Variants in SCAI observed in about 807,000 individuals in gnomAD.
SCAI encodes the protein suppressor of cancer cell invasion.
SCAI carries 24 observed loss-of-function variants against 92.2 expected under a neutral mutation model. The observed-to-expected ratio is 0.26, with a 90% CI of 0.19 to 0.37. SCAI has a LOEUF of 0.37. Among genes scored for constraint, SCAI ranks in the 10% least tolerant of loss-of-function variants. The pLI, the probability that SCAI is intolerant of heterozygous loss-of-function variation, is 1.00. For synonymous variants in SCAI, 261 were observed against 258.6 expected (o/e 1.01, Z -0.09); for missense variants, 450 against 736.2 (o/e 0.61, Z 4.50).
At chr9:125,069,046 GTC>G (rs1395285430) in intron 2 of SCAI, among the ~76,000 whole-genome samples, 2 of 151,668 alleles carry the variant, frequency 1.3e-5, no homozygotes, top group East Asian at 3.9e-4. Flanking sequence ...TGAAACTCCT[GTC>G]TCTACTAAAA....
At chr9:125,086,184 G>T (rs1426324688) in intron 2 of SCAI, among the ~76,000 whole-genome samples, 1 of 152,080 alleles carries the variant, frequency 6.6e-6, no homozygotes, top group Non-Finnish European at 1.5e-5. Flanking sequence ...TTCCTAAATT[G>T]TAAGCTACTT....
chr9:125,094,684 T>A (rs920985232), intron 2 of SCAI, among the ~76,000 whole-genome samples: 1 of 152,134 alleles, frequency 6.6e-6, no homozygotes, highest in East Asian at 1.9e-4. Context: ...GTGTTTTCTA[T>A]AGAGACAGGG....
Position 124,971,397 on chromosome 9 carries a change from G to A in SCAI, c.1647C>T (p.Ala549=). 2 of 1,611,476 alleles carry A rather than the reference G, an allele frequency of 1.2e-6. No homozygotes were observed. Among genetic ancestry groups the A allele is most frequent in the African/African-American group, 2.7e-5 (2 of 74,918 alleles). ...GAAAAATCTTGTGCATCCTCATGGT[G>A]GCTGAACAAAAGATAAATCTTGTGA... ...LLLTRFIFCS[A]TMRMHKIFRE... Residue 549 remains alanine (A), a synonymous_variant, in exon 17 of 18, where the codon GCC becomes GCT. Coordinates refer to ENST00000336505, the MANE Select transcript of SCAI (RefSeq NM_001144877.3).
chr9:124,946,427 T>G lies in SCAI; in HGVS notation c.*6380A>C, dbSNP rs534946458. 6 of 152,316 alleles carry G rather than the reference T, an allele frequency of 3.9e-5. No homozygotes were observed. The highest frequency in any genetic ancestry group is 1.4e-4 in the African/African-American group (6 of 41,570). 9.4% of individuals were successfully genotyped at this position (152,316 alleles called of 1,614,324 possible). A position where few individuals can be genotyped will look rare whatever the true frequency, so the allele number is the denominator to read the frequency against. On this transcript the variant is annotated 3_prime_UTR_variant, in exon 18 of 18. Transcript: ENST00000336505. The surrounding 1 kb of genome is among the most constrained non-coding windows in gnomAD (Gnocchi z 4.0). ...AGACTCCTGAGATAATTTCTCTATT[T>G]TAAGATAATATTGGATCAGATAGAT...
intron 2 of SCAI, among the ~76,000 whole-genome samples, chr9:125,115,318 G>A (rs1588236001): frequency 7.6e-6 from 1 of 131,454 alleles, no homozygotes; most frequent in East Asian, 2.5e-4. Flanking sequence ...CTTGCAGTGA[G>A]CCCAGATCGC....
At chr9:124,963,460 T>C (rs912000215) in intron 17 of SCAI, among the ~76,000 whole-genome samples, 1 of 151,544 alleles carries the variant, frequency 6.6e-6, no homozygotes, top group Non-Finnish European at 1.5e-5. Flanking sequence ...ACTAAGAAAA[T>C]TGGCCAGGGC....
At chr9:125,076,463 T>C (rs1834092549) in intron 2 of SCAI, among the ~76,000 whole-genome samples, 4 of 151,978 alleles carry the variant, frequency 2.6e-5, no homozygotes, top group Admixed American at 2.0e-4. Context: ...TGCACCACTG[T>C]ACTCCAGCCT....
chr9:125,111,604 A>G (rs1834930309), intron 2 of SCAI, among the ~76,000 whole-genome samples: 5 of 150,620 alleles, frequency 3.3e-5, no homozygotes, highest in Admixed American at 3.3e-4. Flanking sequence ...GTGTTAGTGT[A>G]TTTTATATGT....
intron 14 of SCAI, among the ~76,000 whole-genome samples, chr9:124,994,688 AT>A (rs956138871): frequency 4.6e-4 from 69 of 151,558 alleles, no homozygotes; most frequent in African/African-American, 1.6e-3. Flanking sequence ...GAAATCTTGA[AT>A]TTTTTTTTCC....
At chr9:125,033,652 C>G (rs1037521781) in intron 3 of SCAI, among the ~76,000 whole-genome samples, 2 of 152,158 alleles carry the variant, frequency 1.3e-5, no homozygotes, top group Non-Finnish European at 2.9e-5. Flanking sequence ...CTAAAATTGA[C>G]TGTAGTGATG....
chr9:125,121,301 G>C (rs1331992459), intron 2 of SCAI, among the ~76,000 whole-genome samples: 1 of 148,540 alleles, frequency 6.7e-6, no homozygotes, highest in Admixed American at 6.9e-5. Context: ...CGAGATGCTG[G>C]AAAAAAGATG....
intron 2 of SCAI, among the ~76,000 whole-genome samples, chr9:125,072,045 G>C (rs1440709691): frequency 7.5e-6 from 1 of 133,604 alleles, no homozygotes; most frequent in Non-Finnish European, 1.6e-5. Flanking sequence ...TTTTTTTTCT[G>C]AGACAGTCTT....
chr9:125,079,992 C>G (rs1196975757), intron 2 of SCAI, among the ~76,000 whole-genome samples: 1 of 151,942 alleles, frequency 6.6e-6, no homozygotes, highest in Admixed American at 6.6e-5. Context: ...TGATTGTCTA[C>G]ATACTACCAA....
intron 5 of SCAI, 136 bp from the exon 6 acceptor site, chr9:125,027,046 G>T (rs541258658): frequency 8.7e-6 from 4 of 459,556 alleles, no homozygotes; most frequent in African/African-American, 3.9e-5. Flanking sequence ...AATTTGAATC[G>T]GCAAGACAAT....
At chr9:125,024,369 C>T (rs888588405) in intron 6 of SCAI, among the ~76,000 whole-genome samples, 2 of 151,650 alleles carry the variant, frequency 1.3e-5, no homozygotes, top group African/African-American at 2.4e-5. Context: ...TCCGCCTCCC[C>T]GGTTCAAGCG....
chr9:125,048,834 C>T (rs1057513507), intron 3 of SCAI, among the ~76,000 whole-genome samples: 1 of 152,108 alleles, frequency 6.6e-6, no homozygotes, highest in Admixed American at 6.5e-5. Context: ...CAACATCCGC[C>T]TCCCAGGTTC....
At position 125,128,310 on chromosome 9, in the gene SCAI, C is replaced by T. The variant is rs1243909938; in HGVS notation, c.98+14323G>A. On this transcript the variant is annotated intron_variant, in intron 2 of 17. Transcript: ENST00000336505. ...CAGCCTGGGCAACAGAGCAAGACCC[C>T]CTTCTCTAAAATGTATACGGGTAAT... Among the ~76,000 whole-genome samples, 3 of 152,034 alleles carry T rather than the reference C, an allele frequency of 2.0e-5. No homozygotes were observed. In the East Asian group the frequency reaches 5.8e-4, roughly 29 times the overall value.
chr9:125,006,076 G>A (rs1306967587), intron 9 of SCAI, among the ~76,000 whole-genome samples: 1 of 152,192 alleles, frequency 6.6e-6, no homozygotes, highest in Non-Finnish European at 1.5e-5. Flanking sequence ...TTCGTTGGAA[G>A]AAGGCATCCT....
At chr9:125,139,037 T>C (rs748851877) in intron 2 of SCAI, among the ~76,000 whole-genome samples, 7 of 152,064 alleles carry the variant, frequency 4.6e-5, no homozygotes, top group Non-Finnish European at 8.8e-5. Flanking sequence ...GGGGAAGCCC[T>C]CACTGAGCAA....
Sources: allele counts gnomAD v4.1 joint callset (sites outside exome capture counted in the v4.1 genomes callset), GRCh38; gene constraint gnomAD v4.1.1; non-coding constraint Gnocchi (gnomAD v3.1); transcripts MANE v1.5; gene names NCBI Gene and HGNC (gene_info 2026-07-23, HGNC 2026-07-21).